Variants in GIGYF1 observed in about 807,000 individuals in gnomAD.
GIGYF1 encodes the protein GRB10 interacting GYF protein 1.
GIGYF1 carries 84 observed loss-of-function variants against 147.1 expected under a neutral mutation model. The ratio of observed to expected loss-of-function variants is 0.57; its 90% CI spans 0.48 to 0.68. The LOEUF is 0.68. GIGYF1 is among the 30% of genes least tolerant of loss of function. The pLI is 0.00. For synonymous variants in GIGYF1, 752 were observed against 589.5 expected (o/e 1.28, Z -3.99); for missense variants, 1,485 against 1,393.7 (o/e 1.07, Z -1.04).
At position 100,684,099 on chromosome 7, in the gene GIGYF1, G is replaced by A. The variant is rs780780954; in HGVS notation, c.1789C>T (p.Pro597Ser). 7 of 1,607,548 alleles carry A rather than the reference G, an allele frequency of 4.4e-6. No individual in the cohort carries two copies. In the South Asian group the frequency reaches 5.5e-5, roughly 13 times the overall value. ...EKAALGDLTP[P>S]PPPPPQQQQQ... ...TGCTGCTGTGGCGGCGGCGGTGGTG[G>A]CGGTGTCAGGTCCCCCAGAGCTGCC... The change falls in exon 18 of 27, where the codon CCA (proline) becomes TCA (serine). Residue 597 changes from proline to serine, a missense_variant. Coordinates refer to ENST00000678049, the MANE Select transcript of GIGYF1 (RefSeq NM_001375765.1).
chr7:100,687,908 G>A (rs1805530277), intron 5 of GIGYF1, 25 bp from the exon 6 acceptor site: 3 of 1,613,418 alleles, frequency 1.9e-6, no homozygotes, highest in Middle Eastern at 1.6e-4. Context: ...GGACAGCCAA[G>A]ACACCACATG....
Position 100,682,634 on chromosome 7 carries a change from G to A in GIGYF1, c.2556C>T (p.Val852=). ...EDTPKSGGSL[V]RGLGLKNSRS... Reference sequence around the variant, plus strand: ...GGCTGTTCTTCAGGCCGAGGCCACGGACCAGGCTCCCGCCGCTCTTGGGGG... The same window carrying A: ...GGCTGTTCTTCAGGCCGAGGCCACGAACCAGGCTCCCGCCGCTCTTGGGGG... Residue 852 remains valine, a synonymous_variant, in exon 23 of 27, where the codon GTC becomes GTT. Transcript: ENST00000678049. 1 of 1,598,768 alleles carries A rather than the reference G, an allele frequency of 6.3e-7. No individual in the cohort carries two copies. The highest frequency in any genetic ancestry group is 1.1e-5 in the South Asian group (1 of 89,780).
At position 100,680,245 on chromosome 7, in the gene GIGYF1, G is replaced by A. The variant is rs56148928; in HGVS notation, c.*1474C>T. The A allele has an allele frequency of 0.037, 5,620 of 151,622 alleles. 145 individuals carry two copies. Among genetic ancestry groups the A allele is most frequent in the Middle Eastern group, 0.088 (26 of 294 alleles). The allele number at this position is 151,622 out of a possible 1,614,324, so 9.4% of individuals were successfully genotyped here. A position where few individuals can be genotyped will look rare whatever the true frequency, so the allele number is the denominator to read the frequency against. ...TCTGGGACTAGATGGGGAAAGAAAC[G>A]GGCCACTCCCCATGTCCCCAGGGCA... On this transcript the variant is annotated 3_prime_UTR_variant, in exon 27 of 27. Coordinates refer to ENST00000678049, the MANE Select transcript of GIGYF1 (RefSeq NM_001375765.1).
rs142790500 is a variant in GIGYF1, at chr7:100,684,253, G to A, written c.1714C>T (p.Leu572Phe). ...CCCCCATACCTGCTGACCAGCTGGA[G>A]AAACTGCTGGTGCTGCAGCTGCTGG... ...LYQQLQHQQF[L>F]QLVSSRQLPQ... Residue 572 changes from leucine to phenylalanine, a missense_variant, in exon 17 of 27, where the codon CTC becomes TTC. Transcript: ENST00000678049. 7.5e-6 allele frequency: 12 copies of A among 1,609,884 alleles called. No homozygotes were observed. The highest frequency in any genetic ancestry group is 8.5e-6 in the Non-Finnish European group (10 of 1,178,960).
chr7:100,691,546 G>A (rs1375036056), intron 1 of GIGYF1, among the ~76,000 whole-genome samples: 20 of 147,292 alleles, frequency 1.4e-4, no homozygotes, highest in Admixed American at 1.4e-3. Flanking sequence ...TTTGTCTATT[G>A]CAAGCTCTCA....
chr7:100,681,512 AAAAT>A lies in GIGYF1; in HGVS notation c.*203_*206del. 4.7e-6 allele frequency: 2 copies of A among 423,842 alleles called. No individual in the cohort carries two copies. Among genetic ancestry groups the A allele is most frequent in the Non-Finnish European group, 8.3e-6 (2 of 242,004 alleles). The allele number at this position is 423,842 out of a possible 1,614,324, so 26.3% of individuals were successfully genotyped here. ...CTTCAGTCGTTTAAAATTAAAAAAA[AAAAT>A]AAAAAGAAAAACCCCCTCCCCCAGT... On this transcript the variant is annotated 3_prime_UTR_variant, in exon 27 of 27. Coordinates refer to ENST00000678049, the MANE Select transcript of GIGYF1 (RefSeq NM_001375765.1).
chr7:100,682,510 G>A (rs1242435452), intron 23 of GIGYF1, 28 bp from the exon 24 acceptor site: 4 of 1,606,754 alleles, frequency 2.5e-6, no homozygotes, highest in Non-Finnish European at 3.4e-6. Context: ...GTCAGGGTTG[G>A]AAATCAGCTG....
rs761872840 is a variant in GIGYF1 at position 100,684,139 on chromosome 7, G to A, written c.1749C>T (p.Cys583=). The change falls in exon 18 of 27, where the codon TGC becomes TGT. Residue 583 remains cysteine (C), a synonymous_variant. Transcript: ENST00000678049. Reference sequence around the variant, plus strand: ...CCAGAGCTGCCTTTTCTCGGAGCGCGCACTGTGGGAGCTGGCGGCTGCAAA... The same window carrying A: ...CCAGAGCTGCCTTTTCTCGGAGCGCACACTGTGGGAGCTGGCGGCTGCAAA... ...QLVSSRQLPQ[C]ALREKAALGD... 60 of 1,608,880 alleles carry A rather than the reference G, an allele frequency of 3.7e-5. No homozygotes were observed. Among genetic ancestry groups the A allele is most frequent in the Non-Finnish European group, 4.7e-5 (55 of 1,179,700 alleles).
chr7:100,690,386 T>C (rs1469331839), intron 1 of GIGYF1, among the ~76,000 whole-genome samples: 1 of 152,178 alleles, frequency 6.6e-6, no homozygotes, highest in South Asian at 2.1e-4. Flanking sequence ...CTTATGCCTA[T>C]AATCCCAGCA....
Position 100,687,356 on chromosome 7 carries a change from C to A in GIGYF1, c.424G>T (p.Asp142Tyr). The change falls in exon 8 of 27, where the codon GAT (aspartate) becomes TAT (tyrosine). Residue 142 changes from aspartate (D) to tyrosine (Y), a missense_variant. Transcript: ENST00000678049. ...CGGGGGCTTCGTCCAAAGGCCCCAT[C>A]GCCTTCTTCGATGCTTCTTTGGTAA... is the stretch of plus-strand genomic sequence containing the variant. ...CFYQRSIEEG[D>Y]GAFGRSPREI... 3 of 1,613,418 alleles carry A rather than the reference C, an allele frequency of 1.9e-6. No individual in the cohort carries two copies. The highest frequency in any genetic ancestry group is 2.5e-6 in the Non-Finnish European group (3 of 1,179,980).
Position 100,687,524 on chromosome 7 carries a change from C to T in GIGYF1, c.354G>A (p.Arg118=), listed in dbSNP as rs768333788. Residue 118 remains arginine (R), a synonymous_variant, in exon 7 of 27, where the codon AGG becomes AGA. Transcript: ENST00000678049. ...GPPLAGTSRG[R]GSTRSRGRGR... ...CTCTACCTCGGCTCCGCGTGCTGCC[C>T]CTGCCTCGGGAGGTGCCAGCCAGGG... The T allele has an allele frequency of 3.1e-6, 5 of 1,612,066 alleles. No individual in the cohort carries two copies. Among genetic ancestry groups the T allele is most frequent in the Non-Finnish European group, 4.2e-6 (5 of 1,179,576 alleles).
chr7:100,684,217 C>G lies in GIGYF1; in HGVS notation c.1730+20G>C. The stretch of plus-strand genomic sequence containing the variant: ...AGCCAGCGCCGGGCCTTCTCCCAGC[C>G]CACCCCAGGCCCCCCATACCTGCTG... On this transcript the variant is annotated intron_variant, in intron 17 of 26. Transcript: ENST00000678049. 6.2e-7 allele frequency: 1 copy of G among 1,609,992 alleles called. No homozygotes were observed. Among genetic ancestry groups the G allele is most frequent in the Non-Finnish European group, 8.5e-7 (1 of 1,179,176 alleles).
rs546108497 is a variant in GIGYF1, at chr7:100,694,205, G to A, written c.-1194C>T. Among the ~76,000 whole-genome samples the A allele has an allele frequency of 0.011, 1,676 of 145,904 alleles. 25 individuals carry two copies. Among genetic ancestry groups the A allele is most frequent in the Non-Finnish European group, 0.015 (995 of 65,638 alleles). On this transcript the variant is annotated 5_prime_UTR_variant, in exon 1 of 27. Transcript: ENST00000678049. ...GGCGGCTAGCAGCGGGGGAGGGGGCGCTGGCGCTCCCGCGGCGGCCGCTCC... is the reference window on the plus strand; with the variant it reads ...GGCGGCTAGCAGCGGGGGAGGGGGCACTGGCGCTCCCGCGGCGGCCGCTCC...
chr7:100,691,675 T>C (rs1175587308), intron 1 of GIGYF1, among the ~76,000 whole-genome samples: 4 of 151,870 alleles, frequency 2.6e-5, no homozygotes, highest in Non-Finnish European at 5.9e-5. Context: ...AGGGTCTCCT[T>C]CTCACAGGCC....
intron 6 of GIGYF1, 78 bp from the exon 7 acceptor site, chr7:100,687,694 G>T: frequency 2.3e-6 from 1 of 429,974 alleles, no homozygotes; most frequent in Non-Finnish European, 3.8e-6. Flanking sequence ...CACCCTCCCC[G>T]CCTGTCTCCT....
chr7:100,691,435 TTCCCTAATTACACTG>T (rs1805814888), intron 1 of GIGYF1, among the ~76,000 whole-genome samples: 1 of 151,958 alleles, frequency 6.6e-6, no homozygotes, highest in Non-Finnish European at 1.5e-5. Flanking sequence ...AGGGACATCA[TTCCCTAATTACACTG>T]TCCCACGAGG....
rs200730732 is a variant in GIGYF1 at position 100,684,291 on chromosome 7, G to A, written c.1676C>T (p.Ala559Val). 2.8e-5 allele frequency: 45 copies of A among 1,604,446 alleles called. No individual in the cohort carries two copies. The highest frequency in any genetic ancestry group is 1.1e-4 in the African/African-American group (8 of 74,858). Reference protein sequence around the residue: ...ERLKKQQELAAAALYQQLQHQ... With the variant: ...ERLKKQQELAVAALYQQLQHQ... ...CTGCAGCTGCTGGTACAAGGCCGCC[G>A]CGGCCAGCTCCTGTTGCTTCTTCAG... is the stretch of plus-strand genomic sequence containing the variant. Residue 559 changes from alanine (A) to valine (V), a missense_variant, in exon 17 of 27, where the codon GCG becomes GTG. Ala to Val is a moderately conservative substitution (Grantham distance 64). Coordinates refer to ENST00000678049, the MANE Select transcript of GIGYF1 (RefSeq NM_001375765.1).
Position 100,687,302 on chromosome 7 carries a change from C to T in GIGYF1, c.478G>A (p.Asp160Asn). Residue 160 changes from aspartate to asparagine, a missense_variant, in exon 8 of 27, where the codon GAC becomes AAC. Physicochemically the swap from Asp to Asn is conservative, Grantham distance 23. Transcript: ENST00000678049. ...CATGCCCCCTCCCCGCCCCACCTGT[C>T]ATCCCAGCTCTGGCTGCGCTGGATT... Reference protein sequence around the residue: ...REIQRSQSWDDRGERRFEKSA... With the variant: ...REIQRSQSWDNRGERRFEKSA... 6.2e-7 allele frequency: 1 copy of T among 1,612,332 alleles called. No homozygotes were observed. Among genetic ancestry groups the T allele is most frequent in the Non-Finnish European group, 8.5e-7 (1 of 1,179,450 alleles).
At chr7:100,683,478 C>CA (rs776407694) in intron 20 of GIGYF1, 34 bp from the exon 21 acceptor site, 60 of 1,614,028 alleles carry the variant, frequency 3.7e-5, no homozygotes, top group Non-Finnish European at 4.9e-5. Flanking sequence ...GGGAGAGCTG[C>CA]AGGGGACAGC....
Sources: allele counts gnomAD v4.1 joint callset (sites outside exome capture counted in the v4.1 genomes callset), GRCh38; gene constraint gnomAD v4.1.1; transcripts MANE v1.5; gene names NCBI Gene and HGNC (gene_info 2026-07-23, HGNC 2026-07-21).